GMDS: variants seen among roughly 807,000 people sequenced by gnomAD.
GMDS encodes GDP-mannose 4,6 dehydratase.
A neutral mutation model predicts 49.9 loss-of-function variants in GMDS; 20 were observed. The observed-to-expected ratio is 0.40, with a 90% CI of 0.28 to 0.58. GMDS has a LOEUF of 0.58. GMDS is among the 20% of genes least tolerant of loss of function. GMDS has a pLI of 0.42. For synonymous variants in GMDS, 177 were observed against 178.6 expected (o/e 0.99, Z 0.07); for missense variants, 362 against 481.4 (o/e 0.75, Z 2.32).
At chr6:1,835,127 C>T (rs1031062299) in intron 7 of GMDS, among the ~76,000 whole-genome samples, 6 of 152,098 alleles carry the variant, frequency 3.9e-5, no homozygotes, top group Non-Finnish European at 5.9e-5. Flanking sequence ...GCAAATAACA[C>T]GGACGGGAGG....
At chr6:1,765,410 G>A (rs957945602) in intron 7 of GMDS, among the ~76,000 whole-genome samples, 1 of 152,148 alleles carries the variant, frequency 6.6e-6, no homozygotes, top group African/African-American at 2.4e-5. Flanking sequence ...AGAAGGCTGT[G>A]GTCTGAAAAA....
intron 4 of GMDS, among the ~76,000 whole-genome samples, chr6:1,983,060 C>T (rs1441116726): frequency 6.6e-6 from 1 of 151,968 alleles, no homozygotes; most frequent in Non-Finnish European, 1.5e-5. Flanking sequence ...AATAGAGAAC[C>T]CAAAAATGAG....
intron 9 of GMDS, among the ~76,000 whole-genome samples, chr6:1,664,823 T>A (rs529312262): frequency 6.6e-6 from 1 of 152,246 alleles, no homozygotes; most frequent in Non-Finnish European, 1.5e-5. Context: ...AAAAATCTCA[T>A]TGATACCAAG....
chr6:1,812,032 G>A (rs1232305557), intron 7 of GMDS, among the ~76,000 whole-genome samples: 5 of 151,518 alleles, frequency 3.3e-5, no homozygotes, highest in Non-Finnish European at 7.4e-5. Flanking sequence ...AGTCAAGTAG[G>A]GGAAGAGATC....
chr6:1,712,881 A>T (rs1032401076), intron 9 of GMDS, among the ~76,000 whole-genome samples: 2 of 152,222 alleles, frequency 1.3e-5, no homozygotes, highest in Admixed American at 1.3e-4. Context: ...GAACAATATA[A>T]ATATTACTTA....
intron 1 of GMDS, among the ~76,000 whole-genome samples, chr6:2,206,879 G>A (rs1388511403): frequency 2.6e-5 from 4 of 152,170 alleles, no homozygotes; most frequent in Non-Finnish European, 4.4e-5. Context: ...GTCCTTACCT[G>A]TTATCTGAAA....
chr6:1,769,670 C>G (rs1768499733), intron 7 of GMDS, among the ~76,000 whole-genome samples: 1 of 151,998 alleles, frequency 6.6e-6, no homozygotes, highest in Non-Finnish European at 1.5e-5. Context: ...ATTTTGATAT[C>G]CTTTAGGTAA....
intron 7 of GMDS, among the ~76,000 whole-genome samples, chr6:1,764,090 C>CTACTGAGGCTGGGGGTTAAGAGT (rs1768259343): frequency 6.6e-6 from 1 of 150,490 alleles, no homozygotes; most frequent in Non-Finnish European, 1.5e-5. Flanking sequence ...AGTGAAGGAG[C>CTACTGAGGCTGGGGGTTAAGAGT]GAAGAAAAAA....
chr6:1,626,215 C>G (rs548583818), intron 9 of GMDS: 9 of 152,372 alleles, frequency 5.9e-5, no homozygotes, highest in Admixed American at 2.0e-4. Context: ...CGCAGCGACT[C>G]TCGCTGTCGT....
chr6:2,052,141 A>AAAAAAAC (rs1770453370), intron 4 of GMDS, among the ~76,000 whole-genome samples: 2 of 149,890 alleles, frequency 1.3e-5, no homozygotes, highest in Non-Finnish European at 3.0e-5. Context: ...GAAAAAAAAA[A>AAAAAAAC]AACAGAAAAG....
rs1762389858 is a variant in GMDS at position 1,933,543 on chromosome 6, T to C, written c.644-3313A>G. On this transcript the variant is annotated intron_variant, in intron 6 of 10. Coordinates refer to ENST00000380815, the MANE Select transcript of GMDS (RefSeq NM_001500.4). ...TCTCCCCAGTACTTGTTATGGTCTG[T>C]TAAACTGTAGTCATGCTAGTTGGCA... Among the ~76,000 whole-genome samples, 3 of 152,220 alleles carry C rather than the reference T, an allele frequency of 2.0e-5. No homozygotes were observed. In the South Asian group the frequency reaches 6.2e-4, roughly 31 times the overall value.
chr6:2,083,259 C>T (rs1772821371), intron 4 of GMDS, among the ~76,000 whole-genome samples: 2 of 152,170 alleles, frequency 1.3e-5, no homozygotes, highest in Admixed American at 6.5e-5. Flanking sequence ...AATCATACTT[C>T]CTGCACTTTC....
chr6:1,964,932 T>G (rs1374337745), intron 4 of GMDS, among the ~76,000 whole-genome samples: 2 of 152,178 alleles, frequency 1.3e-5, no homozygotes, highest in Non-Finnish European at 2.9e-5. Flanking sequence ...TTTGGTTTTT[T>G]GTCCTTGTAA....
intron 4 of GMDS, among the ~76,000 whole-genome samples, chr6:2,102,044 T>C (rs1287388191): frequency 2.0e-5 from 3 of 152,092 alleles, no homozygotes; most frequent in Admixed American, 1.3e-4. Context: ...ACAAGGCAAG[T>C]ATTACTTAAG....
chr6:1,852,384 T>C (rs1433830531), intron 7 of GMDS, among the ~76,000 whole-genome samples: 1 of 152,228 alleles, frequency 6.6e-6, no homozygotes, highest in Non-Finnish European at 1.5e-5. Flanking sequence ...TAATAAAAGC[T>C]TTTTGCTTAA....
chr6:1,797,734 C>G (rs1434635552), intron 7 of GMDS, among the ~76,000 whole-genome samples: 3 of 152,210 alleles, frequency 2.0e-5, no homozygotes, highest in African/African-American at 4.8e-5. Context: ...GAGCCGGTAT[C>G]TGAACCCAGG....
intron 9 of GMDS, among the ~76,000 whole-genome samples, chr6:1,708,291 G>A (rs758420526): frequency 5.3e-5 from 8 of 152,200 alleles, no homozygotes; most frequent in Admixed American, 2.6e-4. Flanking sequence ...CACTTGAGAC[G>A]TCACTCCTTT....
At chr6:1,802,808 T>C (rs953597407) in intron 7 of GMDS, among the ~76,000 whole-genome samples, 1 of 152,256 alleles carries the variant, frequency 6.6e-6, no homozygotes, top group African/African-American at 2.4e-5. Context: ...ATTTAATCCA[T>C]TGGAGGGCCA....
intron 4 of GMDS, among the ~76,000 whole-genome samples, chr6:2,107,425 G>A (rs1233418970): frequency 6.6e-6 from 1 of 152,086 alleles, no homozygotes; most frequent in Non-Finnish European, 1.5e-5. Context: ...AGTCAAACAT[G>A]CTCAACTTCT....
Sources: allele counts gnomAD v4.1 joint callset (sites outside exome capture counted in the v4.1 genomes callset), GRCh38; gene constraint gnomAD v4.1.1; transcripts MANE v1.5; gene names NCBI Gene and HGNC (gene_info 2026-07-23, HGNC 2026-07-21).